PRKCQ: variants seen among roughly 807,000 people sequenced by gnomAD.
PRKCQ encodes the protein protein kinase C theta.
A neutral mutation model predicts 91.2 loss-of-function variants in PRKCQ; 41 were observed. The observed-to-expected ratio is 0.45, with a 90% CI of 0.35 to 0.58. The LOEUF (loss-of-function observed/expected upper bound fraction) is 0.58, where lower values mean the gene tolerates loss of function less well. Ranked by LOEUF, PRKCQ falls within the 20% of genes least tolerant of loss-of-function variation. The pLI is 0.00. For synonymous variants in PRKCQ, 307 were observed against 316.9 expected, an observed-to-expected ratio of 0.97 and a Z score of 0.33; for missense variants, 673 against 896.5, an observed-to-expected ratio of 0.75 and a Z score of 3.18.
chr10:6,426,372 C>G (rs946474869), downstream of PRKCQ, among the ~76,000 whole-genome samples: 3 of 152,228 alleles, frequency 2.0e-5, no homozygotes, highest in Admixed American at 6.5e-5. Context: ...GCTCCCTGCC[C>G]TCCACTGGCC....
Position 6,437,949 on chromosome 10 carries a change from G to A in PRKCQ, c.1836+3944C>T, listed in dbSNP as rs535092983. ...ATTACAGGCGTGAGCCACCGTGCCC[G>A]GCTCCCACTAACTTATTTTTACTGT... On this transcript the variant is annotated intron_variant, in intron 16 of 17. Transcript: ENST00000263125. Among the ~76,000 whole-genome samples the A allele has an allele frequency of 8.5e-5, 13 of 152,130 alleles. No homozygotes were observed. The South Asian group carries it at 1.5e-3, about 17-fold the overall frequency.
At chr10:6,451,960 A>C (rs897753138) in intron 15 of PRKCQ, among the ~76,000 whole-genome samples, 2 of 152,216 alleles carry the variant, frequency 1.3e-5, no homozygotes, top group Non-Finnish European at 2.9e-5. Flanking sequence ...ACAAACCCAC[A>C]GCCAATATCA....
rs572475337 is a variant in PRKCQ at position 6,448,030 on chromosome 10, G to C, written c.1648-5949C>G. On this transcript the variant is annotated intron_variant, in intron 15 of 17. Transcript: ENST00000263125. The stretch of plus-strand genomic sequence containing the variant: ...ATGGTGGGAGGGCAGCCTCCGACCA[G>C]GGGTGGGATTTTTCCAGGTGGAGTA... Among the ~76,000 whole-genome samples, 10 of 152,348 alleles carry C rather than the reference G, an allele frequency of 6.6e-5. No individual in the cohort carries two copies. The East Asian group carries it at 1.9e-3, about 29-fold the overall frequency.
chr10:6,557,202 G>A (rs1387048230), intron 1 of PRKCQ, among the ~76,000 whole-genome samples: 4 of 151,690 alleles, frequency 2.6e-5, no homozygotes, highest in Admixed American at 6.6e-5. Flanking sequence ...CCTTCCATTC[G>A]CTTCTCTGCC....
the PRKCQ span, among the ~76,000 whole-genome samples, chr10:6,415,713 A>G: frequency 1.3e-5 from 2 of 149,728 alleles, no homozygotes; most frequent in Non-Finnish European, 3.0e-5. Flanking sequence ...CCCATTGTTG[A>G]CAATTGCTGC....
chr10:6,471,293 T>C (rs1333072454), intron 12 of PRKCQ, among the ~76,000 whole-genome samples: 1 of 152,112 alleles, frequency 6.6e-6, no homozygotes. Context: ...AAACAGAACA[T>C]ATGAAAGAAG....
At chr10:6,458,340 C>T (rs750135370) in intron 14 of PRKCQ, among the ~76,000 whole-genome samples, 9 of 152,138 alleles carry the variant, frequency 5.9e-5, no homozygotes, top group African/African-American at 1.4e-4. Flanking sequence ...CCAGTGAGGA[C>T]CCCTGGAGCC....
chr10:6,443,641 G>A (rs1331847452), intron 15 of PRKCQ, among the ~76,000 whole-genome samples: 1 of 152,208 alleles, frequency 6.6e-6, no homozygotes, highest in Non-Finnish European at 1.5e-5. Context: ...AGTCGCCAGG[G>A]TCTGGGCAGA....
chr10:6,411,459 C>G, the PRKCQ span, among the ~76,000 whole-genome samples: 1 of 152,152 alleles, frequency 6.6e-6, no homozygotes, highest in African/African-American at 2.4e-5. Flanking sequence ...TAGGAGGAGA[C>G]AAATTCCTAT....
At chr10:6,569,806 G>A (rs763738922) in intron 1 of PRKCQ, among the ~76,000 whole-genome samples, 1 of 152,114 alleles carries the variant, frequency 6.6e-6, no homozygotes, top group Non-Finnish European at 1.5e-5. Flanking sequence ...AGCAGGAGGA[G>A]AAAACGTGTT....
chr10:6,413,640 CACACACACACACTAGGAA>C, the PRKCQ span, among the ~76,000 whole-genome samples: 13 of 89,924 alleles, frequency 1.4e-4, 3 homozygotes, highest in African/African-American at 7.3e-4. Flanking sequence ...CACTTGTGCA[CACACACACACACTAGGAA>C]GCACTGGATT....
chr10:6,490,038 G>C (rs1837194320), intron 8 of PRKCQ, among the ~76,000 whole-genome samples: 1 of 152,026 alleles, frequency 6.6e-6, no homozygotes, highest in East Asian at 1.9e-4. Flanking sequence ...AGGATGCCGG[G>C]ACACTACGTT....
rs1841232147 is a variant in PRKCQ at position 6,576,235 on chromosome 10, C to A, written c.-10+3976G>T. 6.6e-6 allele frequency among the ~76,000 whole-genome samples: 1 copy of A among 152,164 alleles called. No individual in the cohort carries two copies. The highest frequency in any genetic ancestry group is 6.5e-5 in the Admixed American group (1 of 15,276). ...ATACCCCAAAGAATTGAAAGCAGGA[C>A]CTCAAACAGATATCTGCGTGTTCCT... On this transcript the variant is annotated intron_variant, in intron 1 of 17. Transcript: ENST00000263125. This position sits in a 1 kb window ranked among gnomAD's most constrained non-coding sequence, Gnocchi z 4.2.
intron 15 of PRKCQ, among the ~76,000 whole-genome samples, chr10:6,443,667 A>G (rs1401838242): frequency 1.3e-5 from 2 of 152,170 alleles, no homozygotes; most frequent in African/African-American, 4.8e-5. Context: ...GGGAGGAGGG[A>G]TAGGGAAGGC....
chr10:6,395,116 G>A, the PRKCQ span, among the ~76,000 whole-genome samples: 7,753 of 141,948 alleles, frequency 0.055, 294 homozygotes, highest in East Asian at 0.14. Flanking sequence ...AGGCTGGAGT[G>A]CAGTGGCTGT....
chr10:6,476,141 G>C (rs1355210879), intron 12 of PRKCQ, among the ~76,000 whole-genome samples: 1 of 152,138 alleles, frequency 6.6e-6, no homozygotes, highest in Non-Finnish European at 1.5e-5. Context: ...AATTCAAAAA[G>C]TTGCAACCTC....
intron 15 of PRKCQ, among the ~76,000 whole-genome samples, chr10:6,447,786 C>G (rs1216970665): frequency 6.6e-6 from 1 of 152,186 alleles, no homozygotes; most frequent in Non-Finnish European, 1.5e-5. Flanking sequence ...CCACAGAGTC[C>G]CCTCCCTGAA....
chr10:6,484,913 G>A (rs1300863771), intron 10 of PRKCQ, among the ~76,000 whole-genome samples: 2 of 152,182 alleles, frequency 1.3e-5, no homozygotes, highest in Non-Finnish European at 2.9e-5. Flanking sequence ...GAAACTCTAA[G>A]AAAACATTTG....
At chr10:6,504,074 G>A (rs1263195848) in intron 4 of PRKCQ, among the ~76,000 whole-genome samples, 2 of 152,194 alleles carry the variant, frequency 1.3e-5, no homozygotes, top group African/African-American at 2.4e-5. Flanking sequence ...ATTGCTCCCA[G>A]CCTAATTTTT....
Sources: allele counts gnomAD v4.1 joint callset (sites outside exome capture counted in the v4.1 genomes callset), GRCh38; gene constraint gnomAD v4.1.1; non-coding constraint Gnocchi (gnomAD v3.1); transcripts MANE v1.5; gene names NCBI Gene and HGNC (gene_info 2026-07-23, HGNC 2026-07-21).